Variants in OGA observed in about 807,000 individuals in gnomAD.
OGA encodes protein O-GlcNAcase.
In OGA, 21 loss-of-function variants were observed where a neutral mutation model predicts 102.0. That is an observed-to-expected ratio of 0.21 (90% CI 0.15 to 0.30). The LOEUF (loss-of-function observed/expected upper bound fraction) is 0.30. Ranked by LOEUF, OGA falls within the 10% of genes least tolerant of loss-of-function variation. OGA has a pLI of 1.00. For missense variants in OGA, 765 were observed against 1,107.8 expected (o/e 0.69, Z 4.39); for synonymous variants, 408 against 378.2 (o/e 1.08, Z -0.91).
chr10:101,816,810 G>A (rs966990442), intron 1 of OGA, among the ~76,000 whole-genome samples: 1 of 151,494 alleles, frequency 6.6e-6, no homozygotes, highest in African/African-American at 2.4e-5. Context: ...AATTTATATG[G>A]TGAAAAAAAA....
At chr10:101,813,439 G>T in intron 2 of OGA, 116 bp downstream of exon 2, 1 of 683,522 alleles carries the variant, frequency 1.5e-6, no homozygotes. Flanking sequence ...AATAACTTCT[G>T]CAATTGAGAA....
intron 10 of OGA, among the ~76,000 whole-genome samples, chr10:101,796,505 C>T (rs564970908): frequency 6.6e-6 from 1 of 151,542 alleles, no homozygotes; most frequent in Middle Eastern, 3.2e-3. Flanking sequence ...TGTGGTCTGC[C>T]CGCCTAGGCC....
intron 14 of OGA, among the ~76,000 whole-genome samples, chr10:101,790,049 C>CT (rs1327583933): frequency 7.2e-5 from 11 of 152,074 alleles, no homozygotes; most frequent in Admixed American, 7.2e-4. Context: ...GGGCATAAAA[C>CT]TTTTTTGGAG....
At chr10:101,791,238 C>T in intron 13 of OGA, 116 bp downstream of exon 13, 1 of 1,231,946 alleles carries the variant, frequency 8.1e-7, no homozygotes, top group Non-Finnish European at 1.1e-6. Flanking sequence ...TCAGATTTTA[C>T]TAAAGCCAAA....
Position 101,803,850 on chromosome 10 carries a change from T to C in OGA, c.921A>G (p.Leu307=), listed in dbSNP as rs1195617803. The change falls in exon 7 of 16, where the codon TTA becomes TTG. Residue 307 remains leucine (L), a synonymous_variant. Transcript: ENST00000361464. ...KGRSTELIPR[L]KGVLTNPNCE... ...AATTTGGATTAGTGAGGACTCCTTT[T>C]AACCGTGGGATGAGTTCTGTGGATC... The C allele has an allele frequency of 1.2e-6, 2 of 1,614,240 alleles. No homozygotes were observed. Among genetic ancestry groups the C allele is most frequent in the Admixed American group, 1.7e-5 (1 of 60,012 alleles).
At chr10:101,786,624 CACTT>C (rs765620383) in intron 15 of OGA, 37 bp from the exon 16 acceptor site, 116 of 1,487,256 alleles carry the variant, frequency 7.8e-5, no homozygotes, top group African/African-American at 1.0e-4. Context: ...ATAAATAAGT[CACTT>C]AATTAGTATA....
At chr10:101,789,149 C>G (rs1255453828) in intron 14 of OGA, among the ~76,000 whole-genome samples, 2 of 152,180 alleles carry the variant, frequency 1.3e-5, no homozygotes, top group Admixed American at 6.6e-5. Context: ...CCAAACCAGC[C>G]TCTTGTTACA....
At chr10:101,787,082 A>G (rs1224908254) in intron 15 of OGA, among the ~76,000 whole-genome samples, 1 of 147,490 alleles carries the variant, frequency 6.8e-6, no homozygotes, top group East Asian at 2.0e-4. Context: ...GGTCTCAGCC[A>G]TATTGCTCAG....
In OGA at chr10:101,790,900, G is replaced by A. The variant is rs928297685; in HGVS notation, c.2450C>T (p.Ala817Val). The A allele has an allele frequency of 3.8e-6, 6 of 1,599,134 alleles. No homozygotes were observed. The highest frequency in any genetic ancestry group is 5.1e-6 in the Non-Finnish European group (6 of 1,167,748). Reference protein sequence around the residue: ...KPNGDKELSEAEKIMLSFHEE... With the variant: ...KPNGDKELSEVEKIMLSFHEE... ...AATTCTTAACCTTTGTATTACCTCA[G>A]CCTCAGAGAGTTCCTTGTCACCATT... is the stretch of plus-strand genomic sequence containing the variant. Residue 817 changes from alanine (A) to valine (V), a missense_variant, in exon 14 of 16, where the codon GCT becomes GTT. Ala to Val is a moderately conservative substitution (Grantham distance 64, BLOSUM62 0). Coordinates refer to ENST00000361464, the MANE Select transcript of OGA (RefSeq NM_012215.5).
rs1221859561 is a variant in OGA, at chr10:101,786,465, C to A, written c.2737G>T (p.Gly913Cys). The A allele has an allele frequency of 6.2e-7, 1 of 1,606,272 alleles. No individual in the cohort carries two copies. Among genetic ancestry groups the A allele is most frequent in the South Asian group, 1.1e-5 (1 of 88,682 alleles). Residue 913 changes from glycine to cysteine, a missense_variant, in exon 16 of 16, where the codon GGT becomes TGT. By Grantham distance (159) the Gly-to-Cys change is radical. Coordinates refer to ENST00000361464, the MANE Select transcript of OGA (RefSeq NM_012215.5). ...GTCAACAAATGTCACAGGCTCCGAC[C>A]AAGTATAACCACATCCTTTGGAAAT... ...EGFPKDVVIL[G>C]RSL
At position 101,802,978 on chromosome 10, in the gene OGA, TAA is replaced by T. The variant is rs764237378; in HGVS notation, c.1036+755_1036+756del. On this transcript the variant is annotated intron_variant, in intron 7 of 15. Transcript: ENST00000361464. ...AGATGGTGAAACCCTGTCTCTACTTTAAAAAAAAAAAAAAAAAAAAAAAAAAG... is the reference window on the plus strand; with the variant it reads ...AGATGGTGAAACCCTGTCTCTACTTTAAAAAAAAAAAAAAAAAAAAAAAAG... Among the ~76,000 whole-genome samples the T allele has an allele frequency of 2.2e-3, 154 of 68,580 alleles. 1 individual carries two copies. The highest frequency in any genetic ancestry group is 9.1e-3 in the Middle Eastern group (1 of 110). The allele number at this position is 68,580 out of a possible 152,430, so 45.0% of individuals were successfully genotyped here.
At chr10:101,803,601 T>A in intron 7 of OGA, 134 bp downstream of exon 7, 1 of 982,244 alleles carries the variant, frequency 1.0e-6, no homozygotes, top group South Asian at 1.8e-5. Context: ...TCCTCCTTAG[T>A]AAAACAAAAT....
intron 12 of OGA, among the ~76,000 whole-genome samples, chr10:101,791,693 A>G (rs551959686): frequency 6.6e-6 from 1 of 152,358 alleles, no homozygotes; most frequent in East Asian, 1.9e-4. Context: ...TTTTTGAGAC[A>G]AAGTCTTGCT....
intron 11 of OGA, among the ~76,000 whole-genome samples, chr10:101,793,343 G>C (rs2065280011): frequency 6.6e-6 from 1 of 152,164 alleles, no homozygotes; most frequent in South Asian, 2.1e-4. Context: ...TATCTGTCCA[G>C]GAGACGCTTT....
chr10:101,793,781 G>GCTATGTA, intron 11 of OGA, 132 bp downstream of exon 11: 1 of 650,356 alleles, frequency 1.5e-6, no homozygotes, highest in Non-Finnish European at 2.7e-6. Flanking sequence ...TAAAAATCCA[G>GCTATGTA]CTATGTAACT....
intron 1 of OGA, among the ~76,000 whole-genome samples, chr10:101,816,796 C>T (rs2065632249): frequency 6.6e-6 from 1 of 152,030 alleles, no homozygotes; most frequent in Non-Finnish European, 1.5e-5. Flanking sequence ...CGAAAGAATA[C>T]TCTAATTTAT....
At chr10:101,799,494 C>A (rs749741297) in intron 8 of OGA, 39 bp from the exon 9 acceptor site, 18 of 1,552,934 alleles carry the variant, frequency 1.2e-5, no homozygotes, top group East Asian at 6.7e-5. Context: ...AATGGTCACA[C>A]AGATAATCAG....
intron 7 of OGA, among the ~76,000 whole-genome samples, chr10:101,803,497 G>T (rs1310286105): frequency 6.7e-6 from 1 of 149,050 alleles, no homozygotes; most frequent in Non-Finnish European, 1.5e-5. Context: ...GAGGTTAAGT[G>T]ACTTGTCCAA....
At chr10:101,799,526 G>T in intron 8 of OGA, 71 bp from the exon 9 acceptor site, 2 of 1,397,142 alleles carry the variant, frequency 1.4e-6, no homozygotes, top group Non-Finnish European at 2.0e-6. Flanking sequence ...GAACACATTA[G>T]ATTCAGAAAG....
Sources: allele counts gnomAD v4.1 joint callset (sites outside exome capture counted in the v4.1 genomes callset), GRCh38; gene constraint gnomAD v4.1.1; transcripts MANE v1.5; gene names NCBI Gene and HGNC (gene_info 2026-07-23, HGNC 2026-07-21).